The following SLC24A3 variants were observed in gnomAD, a reference collection of about 807,000 sequenced individuals.
SLC24A3 encodes solute carrier family 24 member 3, also known as sodium/potassium/calcium exchanger 3.
SLC24A3 carries 28 observed loss-of-function variants against 75.8 expected under a neutral mutation model. The observed-to-expected ratio is 0.37, with a 90% CI of 0.27 to 0.51. SLC24A3 has a LOEUF of 0.51. Among genes scored for constraint, SLC24A3 ranks in the 20% least tolerant of loss-of-function variants. SLC24A3 has a pLI of 0.94. For missense variants in SLC24A3, 663 were observed against 847.8 expected, an observed-to-expected ratio of 0.78 and a Z score of 2.71; for synonymous variants, 372 against 334.1, an observed-to-expected ratio of 1.11 and a Z score of -1.24.
intron 1 of SLC24A3, among the ~76,000 whole-genome samples, chr20:19,222,783 C>CCCTCCCTCCCTTCCTTCCTTCCTT (rs759160442): frequency 6.6e-5 from 5 of 75,860 alleles, no homozygotes; most frequent in African/African-American, 2.7e-4. Flanking sequence ...TCCCCTCCCT[C>CCCTCCCTCCCTTCCTTCCTTCCTT]CCTTCCTTCC....
intron 6 of SLC24A3, among the ~76,000 whole-genome samples, chr20:19,631,789 AGAGT>A (rs1330026499): frequency 1.1e-4 from 11 of 98,526 alleles, no homozygotes; most frequent in African/African-American, 4.1e-4. Context: ...TGTATGAGTG[AGAGT>A]GTGTGTGTGT....
intron 6 of SLC24A3, among the ~76,000 whole-genome samples, chr20:19,598,733 G>T (rs945336837): frequency 6.6e-6 from 1 of 151,960 alleles, no homozygotes; most frequent in South Asian, 2.1e-4. Flanking sequence ...CCTGCCCTTC[G>T]TCATTTTAAG....
chr20:19,717,784 G>A (rs958175715), intron 16 of SLC24A3, among the ~76,000 whole-genome samples, 191 bp downstream of exon 16: 3 of 152,086 alleles, frequency 2.0e-5, no homozygotes, highest in Admixed American at 1.3e-4. Flanking sequence ...TCTGAAAGAA[G>A]CCAGCCTTCC....
At chr20:19,477,369 C>T (rs1286671298) in intron 2 of SLC24A3, among the ~76,000 whole-genome samples, 1 of 152,164 alleles carries the variant, frequency 6.6e-6, no homozygotes, top group Non-Finnish European at 1.5e-5. Flanking sequence ...ATAACAAATC[C>T]AGGAGAAAGA....
chr20:19,409,661 T>C (rs191748179), intron 2 of SLC24A3, among the ~76,000 whole-genome samples: 1 of 152,260 alleles, frequency 6.6e-6, no homozygotes, highest in Admixed American at 6.5e-5. Flanking sequence ...TATGATAGAC[T>C]TGAAGTATAA....
chr20:19,596,257 A>C (rs554905837), intron 6 of SLC24A3, among the ~76,000 whole-genome samples: 1 of 152,354 alleles, frequency 6.6e-6, no homozygotes, highest in South Asian at 2.1e-4. Flanking sequence ...CGTTGTCAGC[A>C]GTAAAGATAA....
At chr20:19,675,587 T>A (rs543719886) in intron 9 of SLC24A3, among the ~76,000 whole-genome samples, 33 of 152,342 alleles carry the variant, frequency 2.2e-4, no homozygotes, top group African/African-American at 7.5e-4. Context: ...CAATGGTTAC[T>A]GTAGACCCCA....
intron 2 of SLC24A3, among the ~76,000 whole-genome samples, chr20:19,299,180 G>GTGTGTGTGTGTGTGCGTA (rs1248771930): frequency 1.5e-5 from 2 of 135,158 alleles, no homozygotes; most frequent in Admixed American, 1.5e-4. Context: ...TCCCCTTCGT[G>GTGTGTGTGTGTGTGCGTA]TGTGTGTGTG....
chr20:19,527,153 C>A (rs184876128), intron 3 of SLC24A3, among the ~76,000 whole-genome samples: 2 of 152,254 alleles, frequency 1.3e-5, no homozygotes, highest in East Asian at 3.9e-4. Context: ...CTTTCTTTGA[C>A]TTCCTATAAG....
intron 2 of SLC24A3, among the ~76,000 whole-genome samples, chr20:19,299,198 A>ATGTG (rs57048749): frequency 0.019 from 2,800 of 144,902 alleles, 66 homozygotes; most frequent in African/African-American, 0.06. Flanking sequence ...GTGTGTGTGT[A>ATGTG]TGTGTGTGTG....
intron 2 of SLC24A3, among the ~76,000 whole-genome samples, chr20:19,433,615 G>A (rs1030848776): frequency 6.6e-6 from 1 of 152,198 alleles, no homozygotes; most frequent in Non-Finnish European, 1.5e-5. Context: ...GAGTGACTCA[G>A]TAGAGACTCT....
chr20:19,445,379 G>A (rs1372028504), intron 2 of SLC24A3, among the ~76,000 whole-genome samples: 1 of 152,130 alleles, frequency 6.6e-6, no homozygotes. Context: ...TAGATATCTG[G>A]GCCAGAATGC....
intron 1 of SLC24A3, among the ~76,000 whole-genome samples, chr20:19,238,315 TG>T (rs1460726439): frequency 6.6e-6 from 1 of 152,208 alleles, no homozygotes; most frequent in African/African-American, 2.4e-5. Flanking sequence ...CATGTCTAGT[TG>T]TAGGTTATTC....
At chr20:19,708,026 A>G (rs1375602300) in intron 15 of SLC24A3, among the ~76,000 whole-genome samples, 5 of 152,138 alleles carry the variant, frequency 3.3e-5, no homozygotes, top group African/African-American at 1.2e-4. Context: ...GGATGGGGGA[A>G]GAAACAAACA....
intron 2 of SLC24A3, among the ~76,000 whole-genome samples, chr20:19,418,321 T>C (rs1986860065): frequency 6.6e-6 from 1 of 151,932 alleles, no homozygotes; most frequent in South Asian, 2.1e-4. Flanking sequence ...AAAAGAACAT[T>C]CAGAGAACAC....
At chr20:19,691,504 G>A (rs564868822) in intron 12 of SLC24A3, among the ~76,000 whole-genome samples, 9 of 152,302 alleles carry the variant, frequency 5.9e-5, no homozygotes, top group Admixed American at 3.3e-4. Flanking sequence ...CCAGTGGAAG[G>A]TTCTAGAACA....
At chr20:19,718,737 A>G (rs2033068224) in intron 16 of SLC24A3, among the ~76,000 whole-genome samples, 1 of 152,232 alleles carries the variant, frequency 6.6e-6, no homozygotes, top group Non-Finnish European at 1.5e-5. Context: ...TGGGGGAGGA[A>G]AAGCAATTTT....
intron 2 of SLC24A3, among the ~76,000 whole-genome samples, chr20:19,302,712 T>A (rs2122248025): frequency 6.6e-6 from 1 of 152,350 alleles, no homozygotes; most frequent in Admixed American, 6.5e-5. Context: ...GTTGTTTTAC[T>A]ATATTAATAT....
At chr20:19,647,115 G>A (rs1007209877) in intron 6 of SLC24A3, among the ~76,000 whole-genome samples, 1 of 152,014 alleles carries the variant, frequency 6.6e-6, no homozygotes, top group Admixed American at 6.6e-5. Context: ...ACCAATGACC[G>A]ATGGAAGTGG....
Sources: gnomAD v4.1 joint callset for allele counts (sites outside exome capture counted in the v4.1 genomes callset) on GRCh38, gnomAD v4.1.1 for gene constraint, MANE v1.5 for transcripts, NCBI Gene and HGNC (gene_info 2026-07-23, HGNC 2026-07-21) for gene names.